Variants in R3HDM1 observed in about 807,000 individuals in gnomAD.
R3HDM1 encodes R3H domain-containing protein 1.
Under a neutral mutation model 141.1 loss-of-function variants are expected in R3HDM1, and 46 were observed. That is an observed-to-expected ratio of 0.33 (90% confidence interval 0.26 to 0.42). R3HDM1 has a LOEUF of 0.42. R3HDM1 is among the 10% of genes least tolerant of loss of function. The pLI, the probability that R3HDM1 is intolerant of heterozygous loss-of-function variation, is 1.00. For missense variants in R3HDM1, 1,184 were observed against 1,368.3 expected (o/e 0.87, Z 2.12); for synonymous variants, 435 against 472.9 (o/e 0.92, Z 1.04).
chr2:135,649,444 T>G (rs1474083574), intron 16 of R3HDM1: 1 of 152,152 alleles, frequency 6.6e-6, no homozygotes, highest in Non-Finnish European at 1.5e-5. Context: ...ATTGGAATAG[T>G]TATTGTGTAA....
intron 1 of R3HDM1, among the ~76,000 whole-genome samples, chr2:135,557,896 C>T (rs1701079280): frequency 6.6e-6 from 1 of 152,130 alleles, no homozygotes; most frequent in Admixed American, 6.5e-5. Context: ...ATACATTGAA[C>T]AAAAAACATG....
intron 1 of R3HDM1, among the ~76,000 whole-genome samples, chr2:135,537,949 T>G (rs1466196134): frequency 6.6e-6 from 1 of 152,160 alleles, no homozygotes; most frequent in African/African-American, 2.4e-5. Flanking sequence ...CTGTGATACA[T>G]CCATACCATG....
chr2:135,568,936 A>G (rs1019239926), intron 1 of R3HDM1: 2 of 108,422 alleles, frequency 1.8e-5, no homozygotes, highest in Non-Finnish European at 3.7e-5. Flanking sequence ...CCCCCACCTC[A>G]GGAAATCCTG....
intron 20 of R3HDM1, among the ~76,000 whole-genome samples, chr2:135,679,873 A>C (rs1056982075): frequency 1.3e-5 from 2 of 152,098 alleles, no homozygotes; most frequent in African/African-American, 4.8e-5. Flanking sequence ...TGAGGTCAGG[A>C]GTTTGAGATC....
At chr2:135,674,816 G>T (rs894155398) in intron 19 of R3HDM1, among the ~76,000 whole-genome samples, 1 of 151,162 alleles carries the variant, frequency 6.6e-6, no homozygotes, top group East Asian at 1.9e-4. Flanking sequence ...TCTCTCCCCT[G>T]CCTTTTTTTT....
intron 1 of R3HDM1, among the ~76,000 whole-genome samples, chr2:135,555,955 G>C (rs1332074864): frequency 6.6e-6 from 1 of 152,110 alleles, no homozygotes; most frequent in East Asian, 1.9e-4. Flanking sequence ...GGTTGAGGCT[G>C]CAGTGAGCCA....
Position 135,650,013 on chromosome 2 carries a change from C to T in R3HDM1, c.1725+10C>T, listed in dbSNP as rs1394485630. ...CCAGCAATACTCTGTGGTACTATAT[C>T]TCTATTCACCTCCTGCGTTGTTTCT... On this transcript the variant is annotated intron_variant, in intron 17 of 26. Coordinates refer to ENST00000683871, the MANE Select transcript of R3HDM1 (RefSeq NM_001378107.1). 2.4e-6 allele frequency: 3 copies of T among 1,239,230 alleles called. No individual in the cohort carries two copies. Among genetic ancestry groups the T allele is most frequent in the South Asian group, 2.9e-5 (2 of 69,130 alleles). 76.8% of individuals were successfully genotyped at this position (1,239,230 alleles called of 1,614,324 possible).
chr2:135,657,774 C>G (rs2066114301), intron 18 of R3HDM1, among the ~76,000 whole-genome samples: 2 of 152,150 alleles, frequency 1.3e-5, no homozygotes, highest in South Asian at 4.1e-4. Flanking sequence ...TTCTTCACCC[C>G]AAACTAGGTC....
At chr2:135,645,548 A>G in intron 16 of R3HDM1, 21 bp downstream of exon 16, 1 of 1,611,200 alleles carries the variant, frequency 6.2e-7, no homozygotes, top group Non-Finnish European at 8.5e-7. Flanking sequence ...CCATGATTAC[A>G]TAATGCTAAG....
intron 7 of R3HDM1, among the ~76,000 whole-genome samples, chr2:135,626,716 C>G (rs2062089666): frequency 1.3e-5 from 2 of 152,100 alleles, no homozygotes; most frequent in African/African-American, 4.8e-5. Flanking sequence ...TTAGTATATT[C>G]AATATACAGA....
intron 16 of R3HDM1, 46 bp from the exon 17 acceptor site, chr2:135,649,856 G>A (rs1474082050): frequency 3.7e-6 from 4 of 1,095,252 alleles, no homozygotes; most frequent in Non-Finnish European, 4.7e-6. Flanking sequence ...TTCTTCTAAC[G>A]TTTTATTCTG....
intron 1 of R3HDM1, among the ~76,000 whole-genome samples, chr2:135,534,873 A>G (rs1248087829): frequency 6.6e-6 from 1 of 152,124 alleles, no homozygotes; most frequent in African/African-American, 2.4e-5. Context: ...AATTACATCC[A>G]TTTGAGTTAG....
chr2:135,676,504 T>C (rs1295525714), intron 20 of R3HDM1, among the ~76,000 whole-genome samples: 1 of 152,132 alleles, frequency 6.6e-6, no homozygotes, highest in Admixed American at 6.5e-5. Flanking sequence ...CATAGCTGAG[T>C]CTGATTTTAA....
chr2:135,619,692 A>G, intron 5 of R3HDM1: 1 of 927,958 alleles, frequency 1.1e-6, no homozygotes, highest in Non-Finnish European at 1.3e-6. Context: ...GAAAGGTACT[A>G]GTATCTAATC....
chr2:135,567,258 G>T (rs149890699), intron 1 of R3HDM1, among the ~76,000 whole-genome samples: 2 of 152,258 alleles, frequency 1.3e-5, no homozygotes, highest in South Asian at 4.1e-4. Flanking sequence ...GGTCCAGTTA[G>T]AGCCCAATAT....
At chr2:135,643,936 G>C (rs1283129934) in intron 15 of R3HDM1, among the ~76,000 whole-genome samples, 1 of 152,132 alleles carries the variant, frequency 6.6e-6, no homozygotes, top group Non-Finnish European at 1.5e-5. Context: ...ACATAAGAGG[G>C]AAACAATACA....
At chr2:135,596,728 A>T (rs1236886129) in intron 1 of R3HDM1, among the ~76,000 whole-genome samples, 1 of 152,124 alleles carries the variant, frequency 6.6e-6, no homozygotes, top group Non-Finnish European at 1.5e-5. Flanking sequence ...TTTCATTTTA[A>T]TCGTTTCATG....
intron 21 of R3HDM1, among the ~76,000 whole-genome samples, chr2:135,687,966 G>A (rs2071643544): frequency 6.6e-6 from 1 of 152,138 alleles, no homozygotes; most frequent in Admixed American, 6.5e-5. Flanking sequence ...CTGCCTATTT[G>A]CTGAAATTAT....
intron 11 of R3HDM1, among the ~76,000 whole-genome samples, chr2:135,638,080 T>A (rs548435529): frequency 1.3e-5 from 2 of 152,172 alleles, no homozygotes; most frequent in African/African-American, 4.8e-5. Context: ...TATGATCAAA[T>A]TGACATCTTA....
Sources: allele counts gnomAD v4.1 joint callset (sites outside exome capture counted in the v4.1 genomes callset), GRCh38; gene constraint gnomAD v4.1.1; transcripts MANE v1.5; gene names NCBI Gene and HGNC (gene_info 2026-07-23, HGNC 2026-07-21).